The following ZC3H12C variants were observed in gnomAD, a reference collection of about 807,000 sequenced individuals.
ZC3H12C encodes the protein zinc finger CCCH-type containing 12C.
ZC3H12C carries 20 observed loss-of-function variants against 76.3 expected under a neutral mutation model. The ratio of observed to expected loss-of-function variants is 0.26; its 90% confidence interval spans 0.18 to 0.38. The LOEUF is 0.38. Ranked by LOEUF, ZC3H12C falls within the 10% of genes least tolerant of loss-of-function variation. The probability of loss-of-function intolerance (pLI) is 1.00; values close to 1 mark genes in which losing one functional copy is unlikely to be tolerated. For missense variants in ZC3H12C, 874 were observed against 1,086.5 expected (o/e 0.80, Z 2.75); for synonymous variants, 352 against 399.6 (o/e 0.88, Z 1.42).
intron 2 of ZC3H12C, among the ~76,000 whole-genome samples, chr11:110,151,096 G>A (rs1862264393): frequency 6.6e-6 from 1 of 152,096 alleles, no homozygotes; most frequent in African/African-American, 2.4e-5. Context: ...AGTCTTTGTG[G>A]AGAGGGAGGA....
At chr11:110,106,272 A>AAAAT (rs572073243) in intron 1 of ZC3H12C, among the ~76,000 whole-genome samples, 3,835 of 18,246 alleles carry the variant, frequency 0.21, 1,511 homozygotes, top group Admixed American at 0.54. Flanking sequence ...CGTCTCAAAA[A>AAAAT]AAATAAATAA....
In ZC3H12C at chr11:110,136,481, T is replaced by C. The variant is rs116465079; in HGVS notation, c.22-182T>C. The stretch of plus-strand genomic sequence containing the variant: ...GGAATTACATGGCCTTTCTAATTTA[T>C]GACTTCTTCATCTGAAAAATGGCAG... On this transcript the variant is annotated intron_variant, in intron 1 of 5. Transcript: ENST00000278590. The C allele has an allele frequency of 6.1e-3, 3,766 of 617,092 alleles. 86 individuals carry two copies. Among genetic ancestry groups the C allele is most frequent in the African/African-American group, 0.056 (3,060 of 54,282 alleles). 38.2% of individuals were successfully genotyped at this position (617,092 alleles called of 1,614,324 possible).
rs1565270203 is a variant in ZC3H12C at position 110,164,249 on chromosome 11, T to C, written c.1256-92T>C. 23 of 1,157,524 alleles carry C rather than the reference T, an allele frequency of 2.0e-5. No homozygotes were observed. Among genetic ancestry groups the C allele is most frequent in the Middle Eastern group, 5.6e-4 (2 of 3,592 alleles). The allele number at this position is 1,157,524 out of a possible 1,614,324, so 71.7% of individuals were successfully genotyped here. A position where few individuals can be genotyped will look rare whatever the true frequency, so the allele number is the denominator to read the frequency against. On this transcript the variant is annotated intron_variant, in intron 5 of 5. Coordinates refer to ENST00000278590, the MANE Select transcript of ZC3H12C (RefSeq NM_033390.2). The surrounding 1 kb of genome is among the most constrained non-coding windows in gnomAD (Gnocchi z 5.7). Reference sequence around the variant, plus strand: ...TTAGCACAGCTCCCATTTCTATCGTTGTCTCTTCTACAAGTTAAAATCATA... The same window carrying C: ...TTAGCACAGCTCCCATTTCTATCGTCGTCTCTTCTACAAGTTAAAATCATA...
At chr11:110,161,026 T>C (rs1297935964) in intron 4 of ZC3H12C, among the ~76,000 whole-genome samples, 1 of 149,102 alleles carries the variant, frequency 6.7e-6, no homozygotes, top group East Asian at 2.0e-4. Context: ...TTTTTTTTAG[T>C]AGAGACGAGG....
At chr11:110,119,075 G>T (rs12146603) in intron 1 of ZC3H12C, among the ~76,000 whole-genome samples, 1 of 152,020 alleles carries the variant, frequency 6.6e-6, no homozygotes, top group Non-Finnish European at 1.5e-5. Context: ...ATGAAAATGA[G>T]AAGACTTGCA....
At chr11:110,125,948 CCTCAT>C (rs1166407900) in intron 1 of ZC3H12C, among the ~76,000 whole-genome samples, 1 of 152,126 alleles carries the variant, frequency 6.6e-6, no homozygotes, top group Admixed American at 6.6e-5. Flanking sequence ...GGGGTTTAGT[CCTCAT>C]CTCTGACCTG....
chr11:110,132,173 A>G (rs1861878900), intron 1 of ZC3H12C, among the ~76,000 whole-genome samples: 3 of 152,196 alleles, frequency 2.0e-5, no homozygotes, highest in Admixed American at 6.5e-5. Flanking sequence ...AAGTCGGCTT[A>G]ACAAGTTTAT....
chr11:110,108,650 A>T (rs940161981), intron 1 of ZC3H12C, among the ~76,000 whole-genome samples: 1 of 152,196 alleles, frequency 6.6e-6, no homozygotes, highest in Non-Finnish European at 1.5e-5. Flanking sequence ...CCAATACTGT[A>T]TTTTAAAATA....
Position 110,156,647 on chromosome 11 carries a change from C to T in ZC3H12C, c.914-2609C>T, listed in dbSNP as rs138981764. Among the ~76,000 whole-genome samples the T allele has an allele frequency of 2.6e-4, 39 of 152,206 alleles. 2 individuals carry two copies. The East Asian group carries it at 7.3e-3, about 29-fold the overall frequency. ...TAGATTACTCATGAACATAAGACGA[C>T]GAAAGAACTGAAAGACTTCAGAGTA... On this transcript the variant is annotated intron_variant, in intron 3 of 5. Coordinates refer to ENST00000278590, the MANE Select transcript of ZC3H12C (RefSeq NM_033390.2).
rs1193325200 is a variant in ZC3H12C, at chr11:110,165,287, T to G, written c.2202T>G (p.Ser734=). 1 of 1,613,840 alleles carries G rather than the reference T, an allele frequency of 6.2e-7. No homozygotes were observed. The highest frequency in any genetic ancestry group is 1.3e-5 in the African/African-American group (1 of 74,916). Residue 734 remains serine (S), a synonymous_variant, in exon 6 of 6, where the codon TCT becomes TCG. Coordinates refer to ENST00000278590, the MANE Select transcript of ZC3H12C (RefSeq NM_033390.2). ...CCTCTCCTCCAAGTTCAGCACACTC[T>G]AAGGCACCACACCTAGGGAGGTCCT... The part of the protein sequence containing the change: ...DYPSPPSSAH[S]KAPHLGRSLV...
intron 4 of ZC3H12C, among the ~76,000 whole-genome samples, chr11:110,159,982 G>A (rs907010238): frequency 5.3e-5 from 8 of 152,380 alleles, no homozygotes; most frequent in Admixed American, 2.0e-4. Flanking sequence ...ACGCCTAGGC[G>A]ATGTGGTACA....
chr11:110,123,950 ATCCAG>A (rs965985700), intron 1 of ZC3H12C: 1 of 152,254 alleles, frequency 6.6e-6, no homozygotes, highest in Non-Finnish European at 1.5e-5. Flanking sequence ...AGATTTAACC[ATCCAG>A]TCCCAGGCCA....
At chr11:110,156,166 ATTATAGG>A in intron 3 of ZC3H12C, among the ~76,000 whole-genome samples, 1 of 18,776 alleles carries the variant, frequency 5.3e-5, no homozygotes, top group Non-Finnish European at 1.7e-4. Context: ...ATTTTTAGGT[ATTATAGG>A]TATTATAACC....
At chr11:110,128,315 C>G (rs1430030894) in intron 1 of ZC3H12C, among the ~76,000 whole-genome samples, 1 of 152,180 alleles carries the variant, frequency 6.6e-6, no homozygotes, top group Admixed American at 6.5e-5. Context: ...TTATCCAATA[C>G]TAGCAACCGA....
At chr11:110,144,988 T>C (rs1862136844) in intron 2 of ZC3H12C, among the ~76,000 whole-genome samples, 1 of 152,234 alleles carries the variant, frequency 6.6e-6, no homozygotes, top group Non-Finnish European at 1.5e-5. Flanking sequence ...TGTAACATTA[T>C]GGTTTTTTAG....
rs1394758209 is a variant in ZC3H12C at position 110,170,860 on chromosome 11, TG to T, written c.*5125del. The T allele has an allele frequency of 3.9e-5, 6 of 152,208 alleles. No homozygotes were observed. Among genetic ancestry groups the T allele is most frequent in the Non-Finnish European group, 7.4e-5 (5 of 68,026 alleles). The allele number at this position is 152,208 out of a possible 1,614,324, so 9.4% of individuals were successfully genotyped here. On this transcript the variant is annotated 3_prime_UTR_variant, in exon 6 of 6. Coordinates refer to ENST00000278590, the MANE Select transcript of ZC3H12C (RefSeq NM_033390.2). ...TTAACAATGTTTATTGTTTTTTAAGTGGTTACTTTGTTTTTCCTTAATACTT... is the reference window on the plus strand; with the variant it reads ...TTAACAATGTTTATTGTTTTTTAAGTGTTACTTTGTTTTTCCTTAATACTT...
At chr11:110,097,516 C>T (rs1212717803) in intron 1 of ZC3H12C, among the ~76,000 whole-genome samples, 1 of 152,178 alleles carries the variant, frequency 6.6e-6, no homozygotes, top group Admixed American at 6.5e-5. Context: ...CGCTATGAAA[C>T]ATTTATTGTG....
In ZC3H12C at chr11:110,136,721, C is replaced by T; in HGVS notation, c.80C>T (p.Thr27Ile). Reference sequence around the variant, plus strand: ...AAAAACAGCAAAGTGGAGTCAAGTACACGTAACAACTTCATGGGCTTGAAG... The same window carrying T: ...AAAAACAGCAAAGTGGAGTCAAGTATACGTAACAACTTCATGGGCTTGAAG... ...YRKNSKVESS[T>I]RNNFMGLKDH... is the part of the protein sequence containing the mutation. The change falls in exon 2 of 6, where the codon ACA (threonine) becomes ATA (isoleucine). Residue 27 changes from threonine (T) to isoleucine (I), a missense_variant. Around this residue, in one of 3 missense-constraint regions of ZC3H12C, gnomAD observed 210 missense variants for 227.1 expected, o/e 0.92. Coordinates refer to ENST00000278590, the MANE Select transcript of ZC3H12C (RefSeq NM_033390.2). The T allele has an allele frequency of 6.2e-7, 1 of 1,613,932 alleles. No homozygotes were observed. Among genetic ancestry groups the T allele is most frequent in the Non-Finnish European group, 8.5e-7 (1 of 1,179,858 alleles).
intron 2 of ZC3H12C, among the ~76,000 whole-genome samples, chr11:110,146,937 A>G (rs1862182647): frequency 6.6e-6 from 1 of 152,204 alleles, no homozygotes; most frequent in South Asian, 2.1e-4. Flanking sequence ...AAAATGCCTC[A>G]GTCAGCCACT....
Sources: allele counts gnomAD v4.1 joint callset (sites outside exome capture counted in the v4.1 genomes callset), GRCh38; gene constraint gnomAD v4.1.1; regional missense constraint gnomAD v4.1.1; non-coding constraint Gnocchi (gnomAD v3.1); transcripts MANE v1.5; gene names NCBI Gene and HGNC (gene_info 2026-07-23, HGNC 2026-07-21).